The following C12orf42 variants were observed in gnomAD, a reference collection of about 807,000 sequenced individuals.
The protein encoded by C12orf42 is uncharacterized protein C12orf42.
In C12orf42, 25 loss-of-function variants were observed where a neutral mutation model predicts 21.6. That is an observed-to-expected ratio of 1.16 (90% CI 0.84 to 1.62). C12orf42 has a LOEUF of 1.62. Among genes scored for constraint, C12orf42 ranks in the 40% most tolerant of loss-of-function variants. The probability of loss-of-function intolerance (pLI) is 0.00; values close to 1 mark genes in which losing one functional copy is unlikely to be tolerated. For synonymous variants in C12orf42, 174 were observed against 175.0 expected (o/e 0.99, Z 0.05); for missense variants, 483 against 459.3 (o/e 1.05, Z -0.47).
intron 10 of C12orf42, among the ~76,000 whole-genome samples, chr12:103,248,181 A>G (rs1233478792): frequency 6.6e-6 from 1 of 152,004 alleles, no homozygotes; most frequent in Non-Finnish European, 1.5e-5. Context: ...TATAAGAAGG[A>G]TTTATGAGAA....
At chr12:103,559,041 A>C in the C12orf42 span, 1 of 152,248 alleles carries the variant, frequency 6.6e-6, no homozygotes, top group Non-Finnish European at 1.5e-5. Flanking sequence ...CCCTGGGAAA[A>C]GAGCTCTGAG....
intron 5 of C12orf42, among the ~76,000 whole-genome samples, chr12:103,274,510 T>C (rs2035649719): frequency 1.3e-5 from 2 of 152,360 alleles, no homozygotes; most frequent in South Asian, 4.1e-4. Context: ...GCTAGAATTC[T>C]TCTTATAGAT....
the C12orf42 span, among the ~76,000 whole-genome samples, chr12:103,132,905 C>G: frequency 6.6e-6 from 1 of 152,224 alleles, no homozygotes; most frequent in Admixed American, 6.5e-5. Flanking sequence ...AGCAGAGCTG[C>G]TCAGCTGCTA....
intron 4 of C12orf42, among the ~76,000 whole-genome samples, chr12:103,286,362 T>C (rs1344177668): frequency 1.3e-5 from 2 of 151,722 alleles, no homozygotes; most frequent in Non-Finnish European, 2.9e-5. Context: ...GTGGAGTTAC[T>C]AGCACAATTG....
chr12:103,364,056 G>C (rs182230385), intron 4 of C12orf42, among the ~76,000 whole-genome samples: 3 of 152,172 alleles, frequency 2.0e-5, no homozygotes, highest in Non-Finnish European at 4.4e-5. Flanking sequence ...CCATTCATCA[G>C]TGCATGGAAC....
At chr12:103,227,616 A>G in the C12orf42 span, among the ~76,000 whole-genome samples, 2 of 151,944 alleles carry the variant, frequency 1.3e-5, no homozygotes, top group African/African-American at 4.8e-5. Flanking sequence ...AGACAAGGAG[A>G]GAAGGGGTTG....
intron 4 of C12orf42, among the ~76,000 whole-genome samples, chr12:103,355,878 A>C (rs1006334608): frequency 6.6e-6 from 1 of 152,072 alleles, no homozygotes; most frequent in African/African-American, 2.4e-5. Context: ...CTTTGAATGC[A>C]GTAAAAATAA....
chr12:103,479,469 T>C (rs533661323), intron 1 of C12orf42, among the ~76,000 whole-genome samples: 2 of 152,148 alleles, frequency 1.3e-5, no homozygotes, highest in South Asian at 2.1e-4. Flanking sequence ...GCCCCCAAAA[T>C]AGTATAAGTT....
chr12:103,242,854 A>G (rs2033816673), intron 10 of C12orf42, among the ~76,000 whole-genome samples: 1 of 152,202 alleles, frequency 6.6e-6, no homozygotes, highest in Non-Finnish European at 1.5e-5. Flanking sequence ...ATTTCATATT[A>G]GATTTTCCCA....
chr12:103,159,437 T>G, the C12orf42 span: 1 of 152,244 alleles, frequency 6.6e-6, no homozygotes, highest in Non-Finnish European at 1.5e-5. Flanking sequence ...GATGGTAAGT[T>G]GGATATTTCT....
At chr12:103,267,399 C>T (rs1221304603), downstream of C12orf42, among the ~76,000 whole-genome samples, 2 of 151,864 alleles carry the variant, frequency 1.3e-5, no homozygotes, top group African/African-American at 2.4e-5. Context: ...AGCATCAAAG[C>T]TCAATTCTGA....
At chr12:103,524,474 C>G in the C12orf42 span, among the ~76,000 whole-genome samples, 8 of 152,202 alleles carry the variant, frequency 5.3e-5, no homozygotes, top group South Asian at 4.1e-4. Context: ...CCTCCACGTG[C>G]CTTCTCCATT....
the C12orf42 span, among the ~76,000 whole-genome samples, chr12:103,224,703 G>A: frequency 6.6e-6 from 1 of 152,078 alleles, no homozygotes; most frequent in Non-Finnish European, 1.5e-5. Context: ...ACTGTAGAGA[G>A]TGAGTTGAGC....
chr12:103,314,750 T>C (rs374867225), intron 4 of C12orf42, among the ~76,000 whole-genome samples: 33 of 152,288 alleles, frequency 2.2e-4, no homozygotes, highest in East Asian at 1.4e-3. Context: ...AGGGAATCTT[T>C]CCCACTCCAG....
the C12orf42 span, among the ~76,000 whole-genome samples, chr12:103,551,090 C>T: frequency 6.6e-6 from 1 of 152,016 alleles, no homozygotes; most frequent in African/African-American, 2.4e-5. Context: ...ATGATGTTAG[C>T]TGTTATAGCT....
the C12orf42 span, among the ~76,000 whole-genome samples, chr12:103,118,426 A>G: frequency 1.3e-5 from 2 of 152,218 alleles, no homozygotes; most frequent in African/African-American, 2.4e-5. Context: ...ACCATTAGCC[A>G]TCAGAGATGG....
At chr12:103,348,881 G>T (rs961966814) in intron 4 of C12orf42, among the ~76,000 whole-genome samples, 1 of 152,148 alleles carries the variant, frequency 6.6e-6, no homozygotes, top group Non-Finnish European at 1.5e-5. Context: ...CAAAATGGAT[G>T]AATAAATTGA....
chr12:103,539,488 A>C, the C12orf42 span, among the ~76,000 whole-genome samples: 1 of 152,296 alleles, frequency 6.6e-6, no homozygotes, highest in South Asian at 2.1e-4. Context: ...CATCTGAAAT[A>C]ATCATTATAC....
chr12:103,240,736 T>C (rs1315194800), intron 10 of C12orf42, among the ~76,000 whole-genome samples: 2 of 152,178 alleles, frequency 1.3e-5, no homozygotes, highest in Non-Finnish European at 2.9e-5. Flanking sequence ...ATACGCAGAA[T>C]TGGAGTTATG....
Sources: allele counts gnomAD v4.1 joint callset (sites outside exome capture counted in the v4.1 genomes callset), GRCh38; gene constraint gnomAD v4.1.1; transcripts MANE v1.5; gene names NCBI Gene and HGNC (gene_info 2026-07-23, HGNC 2026-07-21).